EXOC1: variants seen among roughly 807,000 people sequenced by gnomAD.
EXOC1 encodes SEC3-like 1.
A neutral mutation model predicts 107.7 loss-of-function variants in EXOC1; 67 were observed. The observed-to-expected ratio is 0.62, with a 90% CI of 0.51 to 0.76. EXOC1 has a LOEUF of 0.76. EXOC1 is among the 30% of genes least tolerant of loss of function. The pLI is 0.00. For missense variants in EXOC1, 833 were observed against 1,055.7 expected, an observed-to-expected ratio of 0.79 and a Z score of 2.92; for synonymous variants, 348 against 353.5, an observed-to-expected ratio of 0.98 and a Z score of 0.17.
At chr4:55,870,407 C>T (rs555947993) in intron 5 of EXOC1, among the ~76,000 whole-genome samples, 1 of 152,300 alleles carries the variant, frequency 6.6e-6, no homozygotes, top group African/African-American at 2.4e-5. Flanking sequence ...TGGAACCTTA[C>T]TTGTGCAGTC....
intron 7 of EXOC1, among the ~76,000 whole-genome samples, chr4:55,871,435 C>T (rs190875755): frequency 1.3e-5 from 2 of 152,296 alleles, no homozygotes; most frequent in African/African-American, 4.8e-5. Flanking sequence ...TAATTGTCCT[C>T]AATGACTATA....
chr4:55,884,774 A>G (rs899793277), intron 10 of EXOC1, among the ~76,000 whole-genome samples: 1 of 152,182 alleles, frequency 6.6e-6, no homozygotes, highest in Non-Finnish European at 1.5e-5. Flanking sequence ...AAAGGAGCCT[A>G]TGCCCTAAGC....
chr4:55,893,681 T>C lies in EXOC1; in HGVS notation c.1854T>C (p.His618=). 15 of 1,614,144 alleles carry C rather than the reference T, an allele frequency of 9.3e-6. No homozygotes were observed. The highest frequency in any genetic ancestry group is 1.3e-5 in the Non-Finnish European group (15 of 1,180,014). Residue 618 remains histidine (H), a synonymous_variant, in exon 15 of 19, where the codon CAT becomes CAC. Coordinates refer to ENST00000381295, the MANE Select transcript of EXOC1 (RefSeq NM_001024924.2). ...TTTATATGTTAGTCAAAATGAGTCA[T>C]CATGTGTGGACTGCACAAAATGTGG... ...NSLYMLVKMS[H]HVWTAQNVDP...
chr4:55,877,119 T>G (rs1267724236), intron 8 of EXOC1: 1 of 974,378 alleles, frequency 1.0e-6, no homozygotes, highest in Non-Finnish European at 1.2e-6. Context: ...CCCTTTTAAC[T>G]TAAAAGAATT....
intron 10 of EXOC1, chr4:55,885,811 T>C (rs896283823): frequency 6.6e-6 from 1 of 152,246 alleles, no homozygotes; most frequent in Non-Finnish European, 1.5e-5. Flanking sequence ...TTTTAGCTAG[T>C]ATTTTAAAAT....
intron 10 of EXOC1, among the ~76,000 whole-genome samples, chr4:55,887,013 T>C (rs1028867418): frequency 2.2e-4 from 34 of 152,206 alleles, no homozygotes; most frequent in Non-Finnish European, 4.6e-4. Context: ...AGATTTATTT[T>C]GATATTTTCA....
rs1183926126 is a variant in EXOC1 at position 55,870,711 on chromosome 4, C to A, written c.637C>A (p.Gln213Lys). 2 of 1,613,602 alleles carry A rather than the reference C, an allele frequency of 1.2e-6. No individual in the cohort carries two copies. The highest frequency in any genetic ancestry group is 2.7e-5 in the African/African-American group (2 of 74,862). Residue 213 changes from glutamine to lysine, a missense_variant, in exon 6 of 19, where the codon CAA becomes AAA. This residue lies in a region of EXOC1 where 617 missense variants were observed against 701.3 expected (regional missense o/e 0.88). Transcript: ENST00000381295. Reference protein sequence around the residue: ...NIQSIMASEKQVNILMKLLDE... With the variant: ...NIQSIMASEKKVNILMKLLDE... ...CCAGTCAATCATGGCATCTGAAAAACAAGTCAACATCCTGATGAAATTGCT... is the reference window on the plus strand; with the variant it reads ...CCAGTCAATCATGGCATCTGAAAAAAAAGTCAACATCCTGATGAAATTGCT...
chr4:55,892,283 A>T (rs1402485851), intron 13 of EXOC1, among the ~76,000 whole-genome samples: 1 of 151,924 alleles, frequency 6.6e-6, no homozygotes, highest in Non-Finnish European at 1.5e-5. Context: ...TTCTCTTTTG[A>T]AAGTTGTGTT....
chr4:55,878,492 A>G (rs1180308643), intron 9 of EXOC1, among the ~76,000 whole-genome samples: 1 of 152,208 alleles, frequency 6.6e-6, no homozygotes, highest in African/African-American at 2.4e-5. Flanking sequence ...CCTAATAAGC[A>G]TCTACTCTAA....
intron 1 of EXOC1, among the ~76,000 whole-genome samples, chr4:55,857,407 A>T (rs1055454581): frequency 6.6e-6 from 1 of 151,200 alleles, no homozygotes; most frequent in Non-Finnish European, 1.5e-5. Flanking sequence ...TGACCTCTTG[A>T]TCCGCCCGCC....
intron 10 of EXOC1, among the ~76,000 whole-genome samples, chr4:55,884,729 C>T (rs1425728129): frequency 6.6e-6 from 1 of 152,144 alleles, no homozygotes; most frequent in African/African-American, 2.4e-5. Context: ...TGCATAGCTC[C>T]CCTTTAGAAT....
chr4:55,890,604 T>C (rs1724418923), intron 12 of EXOC1, among the ~76,000 whole-genome samples: 1 of 151,986 alleles, frequency 6.6e-6, no homozygotes, highest in South Asian at 2.1e-4. Context: ...AAAAGCTTTA[T>C]TAAAATTTGT....
intron 15 of EXOC1, among the ~76,000 whole-genome samples, chr4:55,894,681 A>AGTGCAATCTCGGCTCACC (rs1371850595): frequency 1.4e-5 from 2 of 140,132 alleles, no homozygotes; most frequent in Non-Finnish European, 3.0e-5. Context: ...GGAGTGCAAC[A>AGTGCAATCTCGGCTCACC]GTGCAATCTC....
intron 8 of EXOC1, 118 bp downstream of exon 8, chr4:55,872,076 A>G (rs983157194): frequency 2.6e-5 from 24 of 935,338 alleles, no homozygotes; most frequent in Non-Finnish European, 3.3e-5. Flanking sequence ...TCCTTCACAT[A>G]TTTGATTTTA....
At chr4:55,901,677 T>C (rs1436015410) in intron 17 of EXOC1, among the ~76,000 whole-genome samples, 1 of 152,094 alleles carries the variant, frequency 6.6e-6, no homozygotes, top group Non-Finnish European at 1.5e-5. Flanking sequence ...AATGACAAAC[T>C]TTTTTTACTC....
In EXOC1 at chr4:55,904,590, T is replaced by A; in HGVS notation, c.*95T>A. The stretch of plus-strand genomic sequence containing the variant: ...AGCAACTGTTTTGAGAACCCAGACT[T>A]AAAATTTTATGTATTATTAAATGTT... On this transcript the variant is annotated 3_prime_UTR_variant, in exon 19 of 19. Transcript: ENST00000381295. The A allele has an allele frequency of 8.1e-7, 1 of 1,238,088 alleles. No individual in the cohort carries two copies. The highest frequency in any genetic ancestry group is 1.1e-6 in the Non-Finnish European group (1 of 915,072). The allele number at this position is 1,238,088 out of a possible 1,614,324, so 76.7% of individuals were successfully genotyped here.
chr4:55,899,235 A>C (rs1725603049), intron 16 of EXOC1, among the ~76,000 whole-genome samples: 1 of 152,110 alleles, frequency 6.6e-6, no homozygotes, highest in Non-Finnish European at 1.5e-5. Context: ...ATTCTTAGCA[A>C]GGTCACACTA....
At chr4:55,896,660 T>A in intron 15 of EXOC1, 57 bp from the exon 16 acceptor site, 12 of 1,354,864 alleles carry the variant, frequency 8.9e-6, no homozygotes, top group Non-Finnish European at 1.2e-5. Flanking sequence ...GTTATGATTA[T>A]ATGTAGTTTT....
At chr4:55,872,846 T>TA (rs1560339780) in intron 8 of EXOC1, 2 of 850,708 alleles carry the variant, frequency 2.4e-6, no homozygotes, top group African/African-American at 3.7e-5. Context: ...TCTCTGATTC[T>TA]GTTTTTTTTT....
Sources: allele counts gnomAD v4.1 joint callset (sites outside exome capture counted in the v4.1 genomes callset), GRCh38; gene constraint gnomAD v4.1.1; regional missense constraint gnomAD v4.1.1; transcripts MANE v1.5; gene names NCBI Gene and HGNC (gene_info 2026-07-23, HGNC 2026-07-21).